RHOT2: variants seen among roughly 807,000 people sequenced by gnomAD.
RHOT2 encodes the protein ras homolog family member T2, also known as mitochondrial Rho GTPase 2.
Under a neutral mutation model 81.6 loss-of-function variants are expected in RHOT2, and 90 were observed. That is an observed-to-expected ratio of 1.10 (90% CI 0.93 to 1.31). The LOEUF (loss-of-function observed/expected upper bound fraction) is 1.31. Among genes scored for constraint, RHOT2 ranks in the 40% most tolerant of loss-of-function variants. The pLI, the probability that RHOT2 is intolerant of heterozygous loss-of-function variation, is 0.00. For missense variants in RHOT2, 1,014 were observed against 841.9 expected, an observed-to-expected ratio of 1.20 and a Z score of -2.53; for synonymous variants, 512 against 370.9, an observed-to-expected ratio of 1.38 and a Z score of -4.37.
At chr16:672,899 C>A (rs942143426) in intron 17 of RHOT2, 29 bp from the exon 18 acceptor site, 1 of 1,612,748 alleles carries the variant, frequency 6.2e-7, no homozygotes, top group Non-Finnish European at 8.5e-7. Flanking sequence ...CACCCCAGGA[C>A]TGTACCTCAT....
intron 11 of RHOT2, 115 bp downstream of exon 11, chr16:671,318 C>T (rs2038899145): frequency 1.4e-6 from 2 of 1,411,582 alleles, no homozygotes; most frequent in Non-Finnish European, 1.9e-6. Context: ...CCCTGAGGGT[C>T]AGTGAAGGTC....
chr16:671,826 CGGCACACACATCACCACAT>C lies in RHOT2; in HGVS notation c.955-33_955-15del. 1 of 1,604,506 alleles carries C rather than the reference CGGCACACACATCACCACAT, an allele frequency of 6.2e-7. No homozygotes were observed. The highest frequency in any genetic ancestry group is 1.1e-5 in the South Asian group (1 of 90,814). On this transcript the variant is annotated splice_polypyrimidine_tract_variant and intron_variant, in intron 12 of 18. Coordinates refer to ENST00000315082, the MANE Select transcript of RHOT2 (RefSeq NM_138769.3). ...CCTGCCCCTGCCCCCGCCCCCTCCC[CGGCACACACATCACCACAT>C]CCCTCCTTCTGCAGGACCGCGACGG...
rs1322285292 is a variant in RHOT2, at chr16:671,890, C to T, written c.985C>T (p.Leu329=). 7 of 1,611,716 alleles carry T rather than the reference C, an allele frequency of 4.3e-6. No homozygotes were observed. The highest frequency in any genetic ancestry group is 1.3e-5 in the African/African-American group (1 of 74,788). Residue 329 remains leucine, a synonymous_variant, in exon 13 of 19, where the codon CTG becomes TTG. Transcript: ENST00000315082. Reference sequence around the variant, plus strand: ...CGACGGCGCCCTCTCGCCCGTGGAGCTGCAAAGCCTTTTCAGTGTGTTCCC... The same window carrying T: ...CGACGGCGCCCTCTCGCCCGTGGAGTTGCAAAGCCTTTTCAGTGTGTTCCC... ...DRDGALSPVE[L]QSLFSVFPAA...
chr16:669,567 T>G lies in RHOT2; in HGVS notation c.237T>G (p.Cys79Trp), dbSNP rs779215544. The change falls in exon 5 of 19, where the codon TGT becomes TGG. Residue 79 changes from cysteine to tryptophan, a missense_variant. By Grantham distance (215) the Cys-to-Trp change is radical. Transcript: ENST00000315082. ...TGTTCCCTCAGGCAAACGTGGTGTG[T>G]GTGGTGTATGACGTCTCTGAGGAGG... ...REEIHKANVV[C>W]VVYDVSEEAT... is the part of the protein sequence containing the mutation. 6.2e-7 allele frequency: 1 copy of G among 1,612,110 alleles called. No individual in the cohort carries two copies. Among genetic ancestry groups the G allele is most frequent in the South Asian group, 1.1e-5 (1 of 90,990 alleles).
chr16:670,844 C>G (rs755764467), intron 9 of RHOT2, 48 bp from the exon 10 acceptor site: 3 of 1,592,536 alleles, frequency 1.9e-6, no homozygotes, highest in Non-Finnish European at 2.6e-6. Flanking sequence ...TGGAACGGGT[C>G]GTCTCCGGGT....
In RHOT2 at chr16:671,271, C is replaced by T. The variant is rs948398232; in HGVS notation, c.869+68C>T. 72 of 1,504,536 alleles carry T rather than the reference C, an allele frequency of 4.8e-5. No individual in the cohort carries two copies. In the Middle Eastern group the frequency reaches 7.2e-4, roughly 15 times the overall value. 93.2% of individuals were successfully genotyped at this position (1,504,536 alleles called of 1,614,324 possible). On this transcript the variant is annotated intron_variant, in intron 11 of 18. Transcript: ENST00000315082. ...AGGAGCTGACTGCCGACTATCTCTC[C>T]CCTCCATGAGTGACGCTGGGGTTTG...
At chr16:672,891 C>G (rs556908429) in intron 17 of RHOT2, 37 bp from the exon 18 acceptor site, 3 of 1,612,522 alleles carry the variant, frequency 1.9e-6, no homozygotes, top group African/African-American at 2.7e-5. Context: ...GCCTCGGCCA[C>G]CCCAGGACTG....
chr16:669,540 A>G lies in RHOT2; in HGVS notation c.223-13A>G, dbSNP rs1244885543. The G allele has an allele frequency of 3.1e-6, 5 of 1,611,012 alleles. No individual in the cohort carries two copies. Among genetic ancestry groups the G allele is most frequent in the Admixed American group, 3.3e-5 (2 of 59,974 alleles). On this transcript the variant is annotated splice_polypyrimidine_tract_variant and intron_variant, in intron 4 of 18. Transcript: ENST00000315082. ...GCAGCCCTGTCACCCACACCTCATC[A>G]CTGTTCCCTCAGGCAAACGTGGTGT...
chr16:673,750 G>A lies in RHOT2; in HGVS notation c.*144G>A, dbSNP rs757871963. The A allele has an allele frequency of 3.3e-5, 34 of 1,018,984 alleles. No homozygotes were observed. In the Admixed American group the frequency reaches 5.1e-4, roughly 15 times the overall value. 63.1% of individuals were successfully genotyped at this position (1,018,984 alleles called of 1,614,324 possible). A position where few individuals can be genotyped will look rare whatever the true frequency, so the allele number is the denominator to read the frequency against. Reference sequence around the variant, plus strand: ...GGACTTTTTGTTTCTGAAGGCAGTCGATCTGCAGCGGGGCCTTATGCTGCC... The same window carrying A: ...GGACTTTTTGTTTCTGAAGGCAGTCAATCTGCAGCGGGGCCTTATGCTGCC... On this transcript the variant is annotated 3_prime_UTR_variant, in exon 19 of 19. Transcript: ENST00000315082.
chr16:674,112 A>T lies in RHOT2; in HGVS notation c.*506A>T. The stretch of plus-strand genomic sequence containing the variant: ...GAGGTTGGGTTCCTGATTAAACTTC[A>T]CTGTGTGTTTTCTATCTCGGATCCC... On this transcript the variant is annotated 3_prime_UTR_variant, in exon 19 of 19. Coordinates refer to ENST00000315082, the MANE Select transcript of RHOT2 (RefSeq NM_138769.3). The T allele has an allele frequency of 1.0e-5, 2 of 200,236 alleles. No individual in the cohort carries two copies. Among genetic ancestry groups the T allele is most frequent in the Non-Finnish European group, 2.1e-5 (2 of 94,156 alleles). The allele number at this position is 200,236 out of a possible 1,614,324, so 12.4% of individuals were successfully genotyped here. A position where few individuals can be genotyped will look rare whatever the true frequency, so the allele number is the denominator to read the frequency against.
rs1276892824 is a variant in RHOT2 at position 668,772 on chromosome 16, T to C, written c.222+73T>C. 4 of 1,474,960 alleles carry C rather than the reference T, an allele frequency of 2.7e-6. No individual in the cohort carries two copies. The East Asian group carries it at 1.0e-4, about 37-fold the overall frequency. The allele number at this position is 1,474,960 out of a possible 1,614,324, so 91.4% of individuals were successfully genotyped here. On this transcript the variant is annotated intron_variant, in intron 4 of 18. Transcript: ENST00000315082. ...CTAATCCGCTTCGCAGCCTGGGGGATTGGACCGAGGTGCTCCGGGTGTCCT... is the reference window on the plus strand; with the variant it reads ...CTAATCCGCTTCGCAGCCTGGGGGACTGGACCGAGGTGCTCCGGGTGTCCT...
rs373268573 is a variant in RHOT2 at position 670,077 on chromosome 16, T to C, written c.277-46T>C. 5.3e-6 allele frequency: 8 copies of C among 1,512,028 alleles called. No homozygotes were observed. In the African/African-American group the frequency reaches 9.8e-5, roughly 18 times the overall value. 93.7% of individuals were successfully genotyped at this position (1,512,028 alleles called of 1,614,324 possible). On this transcript the variant is annotated intron_variant, in intron 5 of 18. Coordinates refer to ENST00000315082, the MANE Select transcript of RHOT2 (RefSeq NM_138769.3). ...AGGCTCATGCTCCAGCTGGGAGCCATGTGCCCGCGGGCAGCCTCACTTCAC... is the reference window on the plus strand; with the variant it reads ...AGGCTCATGCTCCAGCTGGGAGCCACGTGCCCGCGGGCAGCCTCACTTCAC...
At position 670,329 on chromosome 16, in the gene RHOT2, A is replaced by C. The variant is rs770650571; in HGVS notation, c.410A>C (p.Gln137Pro). Residue 137 changes from glutamine to proline, a missense_variant, in exon 7 of 19, where the codon CAG (glutamine) becomes CCG (proline). Physicochemically the swap from Gln to Pro is moderately conservative, Grantham distance 76. Transcript: ENST00000315082. ...SMEAVLPIMSQFPEIETCVEC... is the reference protein window; with the variant it reads ...SMEAVLPIMSPFPEIETCVEC... ...GAGGCCGTGCTCCCCATCATGAGCC[A>C]GTTTCCCGAGATTGAGACCTGCGTG... The C allele has an allele frequency of 6.2e-7, 1 of 1,612,770 alleles. No individual in the cohort carries two copies. Among genetic ancestry groups the C allele is most frequent in the Non-Finnish European group, 8.5e-7 (1 of 1,179,972 alleles).
intron 5 of RHOT2, chr16:669,852 C>G (rs535907379): frequency 1.6e-6 from 1 of 617,520 alleles, no homozygotes; most frequent in South Asian, 2.0e-5. Flanking sequence ...TTCCAAACCC[C>G]CGGGGGGGGA....
Position 672,337 on chromosome 16 carries a change from G to C in RHOT2, c.1279G>C (p.Val427Leu). The C allele has an allele frequency of 6.2e-7, 1 of 1,612,140 alleles. No homozygotes were observed. The highest frequency in any genetic ancestry group is 8.5e-7 in the Non-Finnish European group (1 of 1,179,580). The change falls in exon 15 of 19, where the codon GTG becomes CTG. Residue 427 changes from valine (V) to leucine (L), a missense_variant. By Grantham distance (32) the Val-to-Leu change is conservative (BLOSUM62 1). Coordinates refer to ENST00000315082, the MANE Select transcript of RHOT2 (RefSeq NM_138769.3). ...GTGCAAGGTGGTAGGGGCCCGTGGAGTGGGCAAGTCTGCCTTCCTGCAGGC... is the reference window on the plus strand; with the variant it reads ...GTGCAAGGTGGTAGGGGCCCGTGGACTGGGCAAGTCTGCCTTCCTGCAGGC... ...LLCKVVGARG[V>L]GKSAFLQAFL...
chr16:672,321 GGT>G lies in RHOT2; in HGVS notation c.1264_1265del (p.Val422ArgfsTer49), dbSNP rs2039099774. On this transcript the variant is annotated frameshift_variant, in exon 15 of 19. Coordinates refer to ENST00000315082, the MANE Select transcript of RHOT2 (RefSeq NM_138769.3). LOFTEE classifies it high-confidence loss of function. ...TQRSVLLCKV[V>X]GARGVGKSAF... is the part of the protein sequence containing the mutation. The stretch of plus-strand genomic sequence containing the variant: ...AGCGGAGCGTCCTCCTGTGCAAGGT[GGT>G]AGGGGCCCGTGGAGTGGGCAAGTCT... 1 of 1,612,330 alleles carries G rather than the reference GGT, an allele frequency of 6.2e-7. No individual in the cohort carries two copies. Among genetic ancestry groups the G allele is most frequent in the African/African-American group, 1.3e-5 (1 of 74,936 alleles).
chr16:671,964 CG>C lies in RHOT2; in HGVS notation c.1061del (p.Gly354AlafsTer15), dbSNP rs1567252953. 3 of 1,612,230 alleles carry C rather than the reference CG, an allele frequency of 1.9e-6. No homozygotes were observed. In the African/African-American group the frequency reaches 4.0e-5, roughly 21 times the overall value. On this transcript the variant is annotated frameshift_variant, in exon 13 of 19. Transcript: ENST00000315082. LOFTEE classifies it high-confidence loss of function. ...TCCCACGCACAGTCCGCACAGAGGC[CG>C]GCCGGTTGCCCCTGCACGGATACCT... ...ELPRTVRTEAGRLPLHGYLCQ... is the reference protein window; with the variant it reads ...ELPRTVRTEAXRLPLHGYLCQ...
intron 2 of RHOT2, 33 bp from the exon 3 acceptor site, chr16:668,455 G>A: frequency 1.3e-6 from 2 of 1,579,350 alleles, no homozygotes; most frequent in Non-Finnish European, 1.7e-6. Flanking sequence ...GGCCCAGCCG[G>A]GGGTCCCTGG....
At chr16:669,252 T>G in intron 4 of RHOT2, 1 of 519,186 alleles carries the variant, frequency 1.9e-6, no homozygotes, top group Non-Finnish European at 3.5e-6. Context: ...GCTCCAAGGG[T>G]CTTGCTGACC....
Sources: gnomAD v4.1 joint callset for allele counts on GRCh38, gnomAD v4.1.1 for gene constraint, MANE v1.5 for transcripts, NCBI Gene and HGNC (gene_info 2026-07-23, HGNC 2026-07-21) for gene names.